Variants in THSD7A observed in about 807,000 individuals in gnomAD.
The protein encoded by THSD7A is thrombospondin type 1 domain containing 7A, also known as thrombospondin type-1 domain-containing protein 7A.
THSD7A carries 96 observed loss-of-function variants against 231.3 expected under a neutral mutation model. The observed-to-expected ratio is 0.41, with a 90% CI of 0.35 to 0.49. The LOEUF (loss-of-function observed/expected upper bound fraction) is 0.49, where lower values mean the gene tolerates loss of function less well. Ranked by LOEUF, THSD7A falls within the 20% of genes least tolerant of loss-of-function variation. The pLI is 0.05. For synonymous variants in THSD7A, 940 were observed against 743.3 expected (o/e 1.26, Z -4.30); for missense variants, 2,290 against 2,070.2 (o/e 1.11, Z -2.06).
intron 6 of THSD7A, among the ~76,000 whole-genome samples, chr7:11,502,353 AT>A (rs1332079151): frequency 6.6e-6 from 1 of 152,184 alleles, no homozygotes; most frequent in Admixed American, 6.6e-5. Context: ...CTTCAGGCCA[AT>A]ATCCTTGATG....
intron 22 of THSD7A, among the ~76,000 whole-genome samples, chr7:11,405,278 C>G (rs1242589197): frequency 6.6e-6 from 1 of 151,734 alleles, no homozygotes; most frequent in African/African-American, 2.4e-5. Context: ...ATGTTATCCA[C>G]TTTTAAAATT....
chr7:11,775,369 G>A (rs1783368616), intron 1 of THSD7A, among the ~76,000 whole-genome samples: 1 of 152,138 alleles, frequency 6.6e-6, no homozygotes, highest in Non-Finnish European at 1.5e-5. Flanking sequence ...AATAATTGAA[G>A]GCAGTCTGAG....
intron 1 of THSD7A, among the ~76,000 whole-genome samples, chr7:11,644,163 C>T (rs1224146931): frequency 6.6e-6 from 1 of 151,772 alleles, no homozygotes. Flanking sequence ...TTTTCAGCAT[C>T]GAAACATCTT....
At chr7:11,407,895 T>C (rs948018138) in intron 19 of THSD7A, among the ~76,000 whole-genome samples, 2 of 152,276 alleles carry the variant, frequency 1.3e-5, no homozygotes, top group Non-Finnish European at 2.9e-5. Flanking sequence ...TCAAAACTAA[T>C]GATATCATGT....
chr7:11,558,980 G>GA (rs57403117), intron 4 of THSD7A, among the ~76,000 whole-genome samples: 72,797 of 151,872 alleles, frequency 0.48, 17,892 homozygotes, highest in Admixed American at 0.6. Flanking sequence ...TGAGATGGAA[G>GA]AAAAAGGAGT....
In THSD7A at chr7:11,543,061, G is replaced by T. The variant is rs747040318; in HGVS notation, c.1510C>A (p.Leu504Met). 3 of 1,613,896 alleles carry T rather than the reference G, an allele frequency of 1.9e-6. No individual in the cohort carries two copies. The South Asian group carries it at 3.3e-5, about 18-fold the overall frequency. ...TCAGTTGGACAAGGAATGTGGCACA[G>T]CTGTGTAGTATTAGGGATAGGTCCA... ...CTGPIPNTTQLCHIPCPTECE... is the reference protein window; with the variant it reads ...CTGPIPNTTQMCHIPCPTECE... The change falls in exon 5 of 28, where the codon CTG becomes ATG. Residue 504 changes from leucine (L) to methionine (M), a missense_variant. Coordinates refer to ENST00000423059, the MANE Select transcript of THSD7A (RefSeq NM_015204.3).
At chr7:11,734,512 T>A (rs1781841832) in intron 1 of THSD7A, among the ~76,000 whole-genome samples, 1 of 152,110 alleles carries the variant, frequency 6.6e-6, no homozygotes, top group African/African-American at 2.4e-5. Flanking sequence ...TGCCTTACGT[T>A]TTCTTGATAA....
At chr7:11,607,645 A>G (rs1297447533) in intron 2 of THSD7A, among the ~76,000 whole-genome samples, 1 of 152,050 alleles carries the variant, frequency 6.6e-6, no homozygotes, top group Non-Finnish European at 1.5e-5. Flanking sequence ...TCATTTATCA[A>G]TTCAAATGAG....
Position 11,688,258 on chromosome 7 carries a change from AG to A in THSD7A, c.191-51298del, listed in dbSNP as rs1216129668. On this transcript the variant is annotated intron_variant, in intron 1 of 27. Transcript: ENST00000423059. ...AACTCATCATTTTTTATGGCTGCAT[AG>A]TATTCCATGGTGTATATATGTGCCA... Among the ~76,000 whole-genome samples the A allele has an allele frequency of 4.6e-5, 7 of 151,860 alleles. 1 individual carries two copies. Among genetic ancestry groups the A allele is most frequent in the African/African-American group, 1.7e-4 (7 of 41,386 alleles).
intron 6 of THSD7A, among the ~76,000 whole-genome samples, chr7:11,482,812 C>G (rs1042411965): frequency 1.3e-5 from 2 of 152,114 alleles, no homozygotes; most frequent in Non-Finnish European, 2.9e-5. Context: ...AAAATGGACA[C>G]TTATTTAATA....
rs1784921134 is a variant in THSD7A, at chr7:11,444,978, T to C, written c.3064+1083A>G. The stretch of plus-strand genomic sequence containing the variant: ...ATGTATATATATATTAAATGAAACT[T>C]CTTTGTAGTGAGATGTTTAAGAGAT... On this transcript the variant is annotated intron_variant, in intron 13 of 27. Transcript: ENST00000423059. The surrounding 1 kb of genome is among the most constrained non-coding windows in gnomAD (Gnocchi z 4.2). Among the ~76,000 whole-genome samples the C allele has an allele frequency of 6.7e-6, 1 of 149,746 alleles. No individual in the cohort carries two copies.
At chr7:11,752,348 C>G (rs28712322) in intron 1 of THSD7A, among the ~76,000 whole-genome samples, 4,994 of 152,030 alleles carry the variant, frequency 0.033, 288 homozygotes, top group African/African-American at 0.11. Flanking sequence ...TGAATATGTT[C>G]CTGTGCACCC....
chr7:11,745,206 T>C (rs1158646031), intron 1 of THSD7A, among the ~76,000 whole-genome samples: 1 of 152,110 alleles, frequency 6.6e-6, no homozygotes, highest in African/African-American at 2.4e-5. Flanking sequence ...ATGATGAACA[T>C]TTTTTCATGT....
At chr7:11,654,464 T>C (rs903885639) in intron 1 of THSD7A, among the ~76,000 whole-genome samples, 79 of 152,012 alleles carry the variant, frequency 5.2e-4, no homozygotes, top group Admixed American at 5.2e-3. Flanking sequence ...ACATTTTATC[T>C]CTAACTAGAA....
At chr7:11,538,737 C>T (rs1363288572) in intron 6 of THSD7A, among the ~76,000 whole-genome samples, 1 of 151,976 alleles carries the variant, frequency 6.6e-6, no homozygotes, top group African/African-American at 2.4e-5. Flanking sequence ...TTTTGTCTTG[C>T]GACTCTCTTA....
intron 1 of THSD7A, among the ~76,000 whole-genome samples, chr7:11,728,832 C>T (rs1444715139): frequency 6.6e-6 from 1 of 151,730 alleles, no homozygotes; most frequent in Non-Finnish European, 1.5e-5. Context: ...GTGAGCAAGA[C>T]AGTTTAAAAC....
chr7:11,815,677 A>G (rs1784670389), intron 1 of THSD7A, among the ~76,000 whole-genome samples: 1 of 152,214 alleles, frequency 6.6e-6, no homozygotes. Flanking sequence ...GAACAATCAT[A>G]TAAAACTCAT....
rs140657457 is a variant in THSD7A, at chr7:11,617,001, G to A, written c.1022+19129C>T. 3.3e-3 allele frequency among the ~76,000 whole-genome samples: 505 copies of A among 152,190 alleles called. 2 individuals are homozygous for A. The highest frequency in any genetic ancestry group is 5.6e-3 in the Non-Finnish European group (381 of 67,984). Reference sequence around the variant, plus strand: ...GAAAACTTGTGAATAAAGAGTATAAGCAATATTTAAAAACATATCACAGTG... The same window carrying A: ...GAAAACTTGTGAATAAAGAGTATAAACAATATTTAAAAACATATCACAGTG... On this transcript the variant is annotated intron_variant, in intron 2 of 27. Coordinates refer to ENST00000423059, the MANE Select transcript of THSD7A (RefSeq NM_015204.3).
chr7:11,521,222 T>C (rs544276555), intron 6 of THSD7A, among the ~76,000 whole-genome samples: 46 of 152,290 alleles, frequency 3.0e-4, no homozygotes, highest in African/African-American at 1.1e-3. Flanking sequence ...TTAACCTAGT[T>C]GCTCCATTAG....
Sources: gnomAD v4.1 joint callset for allele counts (sites outside exome capture counted in the v4.1 genomes callset) on GRCh38, gnomAD v4.1.1 for gene constraint, Gnocchi (gnomAD v3.1) non-coding constraint, MANE v1.5 for transcripts, NCBI Gene and HGNC (gene_info 2026-07-23, HGNC 2026-07-21) for gene names.